Variants in MMAA observed in about 807,000 individuals in gnomAD.
MMAA encodes metabolism of cobalamin associated A.
A neutral mutation model predicts 45.0 loss-of-function variants in MMAA; 41 were observed. The observed-to-expected ratio is 0.91, with a 90% confidence interval of 0.71 to 1.18. MMAA has a LOEUF of 1.18. Ranked by LOEUF, MMAA falls within the 50% of genes most tolerant of loss-of-function variation. The probability of loss-of-function intolerance (pLI) is 0.00; values close to 1 mark genes in which losing one functional copy is unlikely to be tolerated. For missense variants in MMAA, 460 were observed against 495.7 expected (o/e 0.93, Z 0.68); for synonymous variants, 154 against 178.2 (o/e 0.86, Z 1.08).
At chr4:145,649,310 A>C (rs1728026777) in intron 4 of MMAA, among the ~76,000 whole-genome samples, 1 of 152,076 alleles carries the variant, frequency 6.6e-6, no homozygotes, top group South Asian at 2.1e-4. Context: ...TTTAAAATAC[A>C]AAGGAGCCTG....
At chr4:145,642,510 A>G (rs770132281) in intron 3 of MMAA, 25 bp downstream of exon 3, 13 of 1,613,650 alleles carry the variant, frequency 8.1e-6, no homozygotes, top group African/African-American at 1.3e-5. Flanking sequence ...TTCTTTTTCA[A>G]TTGCAGAGGT....
chr4:145,643,575 GAGAAATCTAGCT>G (rs1416357998), intron 3 of MMAA, among the ~76,000 whole-genome samples: 4 of 152,070 alleles, frequency 2.6e-5, no homozygotes, highest in Admixed American at 6.5e-5. Flanking sequence ...TCATCCCATT[GAGAAATCTAGCT>G]CAGAACATTC....
At position 145,659,105 on chromosome 4, in the gene MMAA, A is replaced by G. The variant is rs887756558; in HGVS notation, c.*3671A>G. On this transcript the variant is annotated 3_prime_UTR_variant, in exon 7 of 7. Transcript: ENST00000649156. ...GATGAACATGTCAAAACTTTCCTTTAAAAGGAACAATCAGAAAAACTCTTT... is the reference window on the plus strand; with the variant it reads ...GATGAACATGTCAAAACTTTCCTTTGAAAGGAACAATCAGAAAAACTCTTT... The G allele has an allele frequency of 1.3e-5, 2 of 152,220 alleles. No homozygotes were observed. Among genetic ancestry groups the G allele is most frequent in the African/African-American group, 4.8e-5 (2 of 41,456 alleles). The allele number at this position is 152,220 out of a possible 1,614,324, so 9.4% of individuals were successfully genotyped here.
Position 145,655,807 on chromosome 4 carries a change from G to A in MMAA, c.*373G>A. On this transcript the variant is annotated 3_prime_UTR_variant, in exon 7 of 7. Coordinates refer to ENST00000649156, the MANE Select transcript of MMAA (RefSeq NM_172250.3). ...ATTTCCAGAGAGGATGTAAACAAGA[G>A]TGACCATATTTTTGGAGTCCTTCTT... 6.1e-6 allele frequency: 1 copy of A among 164,046 alleles called. No individual in the cohort carries two copies. The highest frequency in any genetic ancestry group is 6.1e-5 in the Admixed American group (1 of 16,430). The allele number at this position is 164,046 out of a possible 1,614,324, so 10.2% of individuals were successfully genotyped here.
intron 1 of MMAA, among the ~76,000 whole-genome samples, chr4:145,621,375 T>C (rs936322512): frequency 6.6e-6 from 1 of 152,150 alleles, no homozygotes; most frequent in African/African-American, 2.4e-5. Flanking sequence ...AAAGTAGGAA[T>C]TGGGAAATCT....
chr4:145,640,122 T>A (rs567123302), intron 2 of MMAA, among the ~76,000 whole-genome samples: 2 of 152,314 alleles, frequency 1.3e-5, no homozygotes, highest in East Asian at 3.9e-4. Context: ...TGTACTTTAT[T>A]TTTTGAGACA....
At chr4:145,635,805 G>C (rs1157401346) in intron 1 of MMAA, among the ~76,000 whole-genome samples, 2 of 152,210 alleles carry the variant, frequency 1.3e-5, no homozygotes, top group Non-Finnish European at 2.9e-5. Flanking sequence ...CATGCCACCA[G>C]CATCACTGCA....
chr4:145,631,570 ATCATTGGG>A (rs1727436125), intron 1 of MMAA, among the ~76,000 whole-genome samples: 1 of 152,020 alleles, frequency 6.6e-6, no homozygotes, highest in African/African-American at 2.4e-5. Flanking sequence ...TAGGCAACAG[ATCATTGGG>A]TCTTTTATTT....
chr4:145,655,169 G>C lies in MMAA; in HGVS notation c.992G>C (p.Ser331Thr). The C allele has an allele frequency of 3.1e-6, 5 of 1,614,152 alleles. No homozygotes were observed. Among genetic ancestry groups the C allele is most frequent in the Non-Finnish European group, 4.2e-6 (5 of 1,179,992 alleles). ...KPKVIRISAR[S>T]GEGISEMWDK... ...TAGGTAATTCGTATTTCTGCCCGAA[G>C]TGGAGAGGGGATCTCTGAAATGTGG... The change falls in exon 7 of 7, where the codon AGT becomes ACT. Residue 331 changes from serine to threonine, a missense_variant. Physicochemically the swap from Ser to Thr is moderately conservative, Grantham distance 58 (BLOSUM62 1). Transcript: ENST00000649156.
chr4:145,653,876 C>A, intron 5 of MMAA, 118 bp from the exon 6 acceptor site: 2 of 1,086,882 alleles, frequency 1.8e-6, no homozygotes, highest in South Asian at 1.3e-5. Flanking sequence ...TCTTGGCATC[C>A]AGGGCTTAGG....
In MMAA at chr4:145,654,053, A is replaced by G. The variant is rs146352309; in HGVS notation, c.879A>G (p.Gly293=). 1.9e-4 allele frequency: 309 copies of G among 1,614,122 alleles called. No individual in the cohort carries two copies. Among genetic ancestry groups the G allele is most frequent in the African/African-American group, 1.6e-3 (123 of 75,032 alleles). The part of the protein sequence containing the change: ...ADLVAVTKSD[G]DLIVPARRIQ... Reference sequence around the variant, plus strand: ...TGGTAGCTGTAACTAAATCTGATGGAGACTTGATTGTGCCAGCTCGAAGGA... The same window carrying G: ...TGGTAGCTGTAACTAAATCTGATGGGGACTTGATTGTGCCAGCTCGAAGGA... The change falls in exon 6 of 7, where the codon GGA becomes GGG. Residue 293 remains glycine (G), a synonymous_variant. Transcript: ENST00000649156.
At position 145,658,273 on chromosome 4, in the gene MMAA, A is replaced by G. The variant is rs906226999; in HGVS notation, c.*2839A>G. 6.6e-6 allele frequency: 1 copy of G among 152,198 alleles called. No individual in the cohort carries two copies. The highest frequency in any genetic ancestry group is 2.4e-5 in the African/African-American group (1 of 41,448). 9.4% of individuals were successfully genotyped at this position (152,198 alleles called of 1,614,324 possible). A position where few individuals can be genotyped will look rare whatever the true frequency, so the allele number is the denominator to read the frequency against. On this transcript the variant is annotated 3_prime_UTR_variant, in exon 7 of 7. Transcript: ENST00000649156. ...ATTTATAGAAAGAACAGCCTAATAC[A>G]GGTGCTAAATACATATCTGACAATA...
At chr4:145,636,310 A>G (rs893442271) in intron 1 of MMAA, among the ~76,000 whole-genome samples, 2 of 152,150 alleles carry the variant, frequency 1.3e-5, no homozygotes, top group African/African-American at 2.4e-5. Flanking sequence ...CTAGGTCCTC[A>G]TCATCTCCTT....
At chr4:145,648,441 C>T (rs1036205030) in intron 4 of MMAA, among the ~76,000 whole-genome samples, 1 of 152,116 alleles carries the variant, frequency 6.6e-6, no homozygotes, top group South Asian at 2.1e-4. Context: ...CTACCGCACC[C>T]GGCCTAACTT....
At chr4:145,651,025 G>A (rs1352863458) in intron 4 of MMAA, 37 bp from the exon 5 acceptor site, 1 of 1,559,622 alleles carries the variant, frequency 6.4e-7, no homozygotes, top group Non-Finnish European at 8.8e-7. Flanking sequence ...AAATAATGGT[G>A]AGTATTTTAG....
intron 1 of MMAA, among the ~76,000 whole-genome samples, chr4:145,633,204 T>TC (rs1392729240): frequency 6.2e-5 from 9 of 145,480 alleles, no homozygotes; most frequent in African/African-American, 1.8e-4. Context: ...TTCTTTTTTT[T>TC]TTTTTTTTTT....
intron 1 of MMAA, among the ~76,000 whole-genome samples, chr4:145,638,844 G>A (rs544406717): frequency 1.3e-5 from 2 of 152,056 alleles, no homozygotes; most frequent in Non-Finnish European, 2.9e-5. Context: ...ATTCCACTTC[G>A]CAGTAGAGTA....
chr4:145,639,167 C>G lies in MMAA; in HGVS notation c.28C>G (p.Gln10Glu). 6.2e-7 allele frequency: 1 copy of G among 1,614,136 alleles called. No individual in the cohort carries two copies. The highest frequency in any genetic ancestry group is 8.5e-7 in the Non-Finnish European group (1 of 1,180,022). MPMLLPHPHQHFLKGLLRAP... is the reference protein window; with the variant it reads MPMLLPHPHEHFLKGLLRAP... The stretch of plus-strand genomic sequence containing the variant: ...GCCCATGCTGCTACCACATCCTCAC[C>G]AGCATTTCCTAAAAGGCCTTTTAAG... Residue 10 changes from glutamine to glutamate, a missense_variant, in exon 2 of 7, where the codon CAG becomes GAG. Transcript: ENST00000649156.
intron 3 of MMAA, chr4:145,642,816 C>A: frequency 2.9e-6 from 1 of 340,410 alleles, no homozygotes; most frequent in East Asian, 6.8e-5. Flanking sequence ...TGTTTCCTGG[C>A]TGCATTAGCA....
Sources: gnomAD v4.1 joint callset for allele counts (sites outside exome capture counted in the v4.1 genomes callset) on GRCh38, gnomAD v4.1.1 for gene constraint, MANE v1.5 for transcripts, NCBI Gene and HGNC (gene_info 2026-07-23, HGNC 2026-07-21) for gene names.